The following FYB2 variants were observed in gnomAD, a reference collection of about 807,000 sequenced individuals.
FYB2 encodes FYN-binding protein 2.
In FYB2, 103 loss-of-function variants were observed where a neutral mutation model predicts 94.1. The observed-to-expected ratio is 1.09, with a 90% confidence interval of 0.93 to 1.29. The LOEUF is 1.29. Ranked by LOEUF, FYB2 falls within the 50% of genes most tolerant of loss-of-function variation. The pLI, the probability that FYB2 is intolerant of heterozygous loss-of-function variation, is 0.00. For synonymous variants in FYB2, 293 were observed against 287.9 expected (o/e 1.02, Z -0.18); for missense variants, 896 against 841.5 (o/e 1.06, Z -0.80).
the FYB2 span, among the ~76,000 whole-genome samples, chr1:56,825,577 G>A: frequency 6.6e-6 from 1 of 152,158 alleles, no homozygotes; most frequent in African/African-American, 2.4e-5. Context: ...AGTCTAGTTA[G>A]GGTGTAAGGC....
intron 1 of FYB2, among the ~76,000 whole-genome samples, chr1:56,812,957 C>G (rs1177642434): frequency 6.6e-6 from 1 of 152,170 alleles, no homozygotes; most frequent in Non-Finnish European, 1.5e-5. Flanking sequence ...CCTTACAGTT[C>G]TAGAGGCAAA....
intron 4 of FYB2, among the ~76,000 whole-genome samples, chr1:56,774,473 C>T (rs1422444122): frequency 2.0e-5 from 3 of 152,144 alleles, no homozygotes; most frequent in Non-Finnish European, 4.4e-5. Context: ...AATTCTACCA[C>T]CACCTTCACC....
At chr1:56,744,103 T>G (rs1293658327) in intron 10 of FYB2, 37 bp from the exon 11 acceptor site, 1 of 1,612,456 alleles carries the variant, frequency 6.2e-7, no homozygotes, top group Non-Finnish European at 8.5e-7. Flanking sequence ...TATTGTACCT[T>G]TAAAGTCTCA....
At chr1:56,761,805 G>C (rs984011800) in intron 5 of FYB2, 1 of 151,506 alleles carries the variant, frequency 6.6e-6, no homozygotes, top group East Asian at 1.9e-4. Flanking sequence ...CTTCCCTTCC[G>C]TCTCTCTCTC....
chr1:56,765,825 T>C (rs1645608985), intron 5 of FYB2, among the ~76,000 whole-genome samples: 1 of 152,228 alleles, frequency 6.6e-6, no homozygotes, highest in Non-Finnish European at 1.5e-5. Context: ...AGTCTTCTTA[T>C]GTTTGTTTTA....
intron 9 of FYB2, among the ~76,000 whole-genome samples, chr1:56,745,232 G>T (rs1645041907): frequency 6.6e-6 from 1 of 152,000 alleles, no homozygotes; most frequent in Non-Finnish European, 1.5e-5. Flanking sequence ...AAATGCAAAA[G>T]TTTATGCCTT....
In FYB2 at chr1:56,747,346, C is replaced by T. The variant is rs537557826; in HGVS notation, c.1388-3080G>A. Among the ~76,000 whole-genome samples the T allele has an allele frequency of 3.3e-5, 5 of 151,782 alleles. No individual in the cohort carries two copies. In the East Asian group the frequency reaches 7.8e-4, roughly 24 times the overall value. Reference sequence around the variant, plus strand: ...TGGTGGTTTGCTGCACCAATCAACTCGTCATCTAGGTTTTAAGCCCCGCAT... The same window carrying T: ...TGGTGGTTTGCTGCACCAATCAACTTGTCATCTAGGTTTTAAGCCCCGCAT... On this transcript the variant is annotated intron_variant, in intron 9 of 19. Transcript: ENST00000343433.
rs555079623 is a variant in FYB2 at position 56,730,503 on chromosome 1, G to T, written c.1794-3920C>A. Among the ~76,000 whole-genome samples, 10 of 152,102 alleles carry T rather than the reference G, an allele frequency of 6.6e-5. No homozygotes were observed. The East Asian group carries it at 1.7e-3, about 27-fold the overall frequency. On this transcript the variant is annotated intron_variant, in intron 15 of 19. Coordinates refer to ENST00000343433, the MANE Select transcript of FYB2 (RefSeq NM_001004303.5). Reference sequence around the variant, plus strand: ...AGAGACATTACTTAGAGACCACTGTGAGCAACTATCTGCTAACAAATGGGA... The same window carrying T: ...AGAGACATTACTTAGAGACCACTGTTAGCAACTATCTGCTAACAAATGGGA...
intron 15 of FYB2, among the ~76,000 whole-genome samples, chr1:56,734,931 T>C (rs77638727): frequency 0.034 from 5,244 of 152,074 alleles, 306 homozygotes; most frequent in African/African-American, 0.12. Context: ...CCTGTTAGGA[T>C]GGCATTCATC....
At chr1:56,744,334 C>G (rs1228037964) in intron 9 of FYB2, 68 bp from the exon 10 acceptor site, 2 of 1,152,738 alleles carry the variant, frequency 1.7e-6, no homozygotes, top group Non-Finnish European at 2.6e-6. Context: ...TCACACACAT[C>G]ACTGGCAGTG....
At chr1:56,815,442 C>T (rs1442758998) in intron 1 of FYB2, among the ~76,000 whole-genome samples, 1 of 152,116 alleles carries the variant, frequency 6.6e-6, no homozygotes, top group Non-Finnish European at 1.5e-5. Context: ...CTCTTCCCGG[C>T]AAAGCTGAAC....
At chr1:56,750,563 G>A (rs965455357) in intron 9 of FYB2, among the ~76,000 whole-genome samples, 7 of 151,822 alleles carry the variant, frequency 4.6e-5, no homozygotes, top group Non-Finnish European at 8.8e-5. Context: ...CAAGGGTACC[G>A]ACTAACACGC....
the FYB2 span, chr1:56,824,850 C>T: frequency 6.6e-6 from 1 of 152,310 alleles, no homozygotes; most frequent in South Asian, 2.1e-4. Context: ...GGCCCCACTA[C>T]CATGGCCCCA....
intron 13 of FYB2, among the ~76,000 whole-genome samples, chr1:56,739,033 CAG>C (rs1456725576): frequency 6.6e-6 from 1 of 151,960 alleles, no homozygotes; most frequent in Non-Finnish European, 1.5e-5. Context: ...GACACCATGG[CAG>C]AGTCTGAGAT....
At chr1:56,811,445 G>A (rs972405226) in intron 1 of FYB2, among the ~76,000 whole-genome samples, 1 of 152,040 alleles carries the variant, frequency 6.6e-6, no homozygotes, top group South Asian at 2.1e-4. Context: ...GGCTAATCTT[G>A]AAACAAACCA....
chr1:56,782,087 T>G (rs1343568836), intron 4 of FYB2, among the ~76,000 whole-genome samples: 1 of 152,222 alleles, frequency 6.6e-6, no homozygotes, highest in Non-Finnish European at 1.5e-5. Flanking sequence ...GATTGAAATA[T>G]CTATCACAAT....
At chr1:56,795,242 G>C (rs1445126105) in intron 1 of FYB2, among the ~76,000 whole-genome samples, 1 of 151,930 alleles carries the variant, frequency 6.6e-6, no homozygotes, top group Admixed American at 6.6e-5. Flanking sequence ...TTGTCTTTTT[G>C]TAACTGTCTT....
chr1:56,723,734 G>T, intron 16 of FYB2, 53 bp from the exon 17 acceptor site: 1 of 1,038,926 alleles, frequency 9.6e-7, no homozygotes, highest in Admixed American at 2.5e-5. Flanking sequence ...AACTTTTTAA[G>T]TTTCTGAGCC....
At chr1:56,757,549 G>A (rs857105) in intron 6 of FYB2, among the ~76,000 whole-genome samples, 112,795 of 151,768 alleles carry the variant, frequency 0.74, 42,847 homozygotes, top group East Asian at 0.93. Flanking sequence ...TTGAGCATCT[G>A]CTACTGCAGA....
Sources: allele counts gnomAD v4.1 joint callset (sites outside exome capture counted in the v4.1 genomes callset), GRCh38; gene constraint gnomAD v4.1.1; transcripts MANE v1.5; gene names NCBI Gene and HGNC (gene_info 2026-07-23, HGNC 2026-07-21).